Variants in ASXL3 observed in about 807,000 individuals in gnomAD.
ASXL3 encodes the protein ASXL transcriptional regulator 3.
In ASXL3, 34 loss-of-function variants were observed where a neutral mutation model predicts 170.6. The observed-to-expected ratio is 0.20, with a 90% CI of 0.15 to 0.27. The LOEUF is 0.27. Ranked by LOEUF, ASXL3 falls within the 10% of genes least tolerant of loss-of-function variation. ASXL3 has a pLI of 1.00. For synonymous variants in ASXL3, 1,002 were observed against 989.1 expected (o/e 1.01, Z -0.24); for missense variants, 2,592 against 2,695.3 (o/e 0.96, Z 0.85).
intron 1 of ASXL3, among the ~76,000 whole-genome samples, chr18:33,603,448 G>T (rs1041166282): frequency 1.3e-5 from 2 of 152,000 alleles, no homozygotes; most frequent in African/African-American, 4.8e-5. Context: ...ACTAGGACGT[G>T]TAGTAGTCTA....
At chr18:33,706,984 A>G (rs538914971) in intron 8 of ASXL3, among the ~76,000 whole-genome samples, 1 of 151,982 alleles carries the variant, frequency 6.6e-6, no homozygotes, top group Admixed American at 6.6e-5. Flanking sequence ...TTGACCAAAC[A>G]TATCTTATTT....
At position 33,743,025 on chromosome 18, in the gene ASXL3, CCGGGCCCAACAAGCT is replaced by C. The variant is rs1184301336; in HGVS notation, c.3186_3200del (p.Gln1063_Gln1067del). 1.2e-6 allele frequency: 2 copies of C among 1,613,758 alleles called. No individual in the cohort carries two copies. Among genetic ancestry groups the C allele is most frequent in the Non-Finnish European group, 1.7e-6 (2 of 1,179,860 alleles). ...CCAGGACCCTCGCAGATATCAAGGC[CCGGGCCCAACAAGCT>C]CGGGCCCAGCGAGAGGCTGCTGCAG... On this transcript the variant is annotated inframe_deletion, in exon 12 of 12. Coordinates refer to ENST00000269197, the MANE Select transcript of ASXL3 (RefSeq NM_030632.3).
At chr18:33,655,786 CA>C (rs1017711582) in intron 4 of ASXL3, among the ~76,000 whole-genome samples, 3 of 151,990 alleles carry the variant, frequency 2.0e-5, no homozygotes, top group African/African-American at 7.2e-5. Context: ...ATACATAAAA[CA>C]AATTATAACC....
chr18:33,700,577 A>T (rs1276557408), intron 8 of ASXL3, among the ~76,000 whole-genome samples: 1 of 152,114 alleles, frequency 6.6e-6, no homozygotes, highest in Admixed American at 6.6e-5. Flanking sequence ...CAACTGAAAG[A>T]GAATGAAGTT....
intron 8 of ASXL3, 107 bp from the exon 9 acceptor site, chr18:33,731,861 C>T: frequency 1.4e-6 from 1 of 722,162 alleles, no homozygotes; most frequent in Non-Finnish European, 2.3e-6. Flanking sequence ...CTTCCTCCTC[C>T]TCACACATAC....
At chr18:33,731,835 C>T in intron 8 of ASXL3, 133 bp from the exon 9 acceptor site, 1 of 619,418 alleles carries the variant, frequency 1.6e-6, no homozygotes, top group Admixed American at 3.2e-5. Context: ...CTTCTCCTTT[C>T]TCTGTCTCCT....
intron 8 of ASXL3, among the ~76,000 whole-genome samples, chr18:33,714,564 A>C (rs936257446): frequency 6.6e-6 from 1 of 152,202 alleles, no homozygotes; most frequent in African/African-American, 2.4e-5. Flanking sequence ...TTCTAACTCT[A>C]AAACAGGCCA....
intron 8 of ASXL3, among the ~76,000 whole-genome samples, chr18:33,716,373 T>C (rs1291130995): frequency 6.6e-6 from 1 of 152,184 alleles, no homozygotes; most frequent in East Asian, 1.9e-4. Flanking sequence ...TTTGTATAAA[T>C]AGTGTTTCCC....
At position 33,742,875 on chromosome 18, in the gene ASXL3, GTCC is replaced by G. The variant is rs781586610; in HGVS notation, c.3040-8_3040-6del. ...TGAAGCACATTATATTTTTTTTTCT[GTCC>G]TCCTTTTAGATTCAGCTTTCCAAAA... On this transcript the variant is annotated splice_polypyrimidine_tract_variant and intron_variant, in intron 11 of 11. Transcript: ENST00000269197. The G allele has an allele frequency of 5.7e-6, 9 of 1,567,170 alleles. No individual in the cohort carries two copies. Among genetic ancestry groups the G allele is most frequent in the South Asian group, 2.4e-5 (2 of 83,974 alleles).
chr18:33,725,524 T>A (rs2145381703), intron 8 of ASXL3, among the ~76,000 whole-genome samples: 1 of 152,284 alleles, frequency 6.6e-6, no homozygotes, highest in East Asian at 1.9e-4. Flanking sequence ...TTAAGCCACC[T>A]TCTCTTTTGG....
At chr18:33,635,074 A>C (rs1024141861) in intron 2 of ASXL3, among the ~76,000 whole-genome samples, 2 of 152,184 alleles carry the variant, frequency 1.3e-5, no homozygotes, top group African/African-American at 4.8e-5. Flanking sequence ...GTGGGCATTG[A>C]GGAAGAGAGA....
In ASXL3 at chr18:33,750,085, C is replaced by T. The variant is rs1328227476; in HGVS notation, c.*3490C>T. On this transcript the variant is annotated 3_prime_UTR_variant, in exon 12 of 12. Coordinates refer to ENST00000269197, the MANE Select transcript of ASXL3 (RefSeq NM_030632.3). ...TAGCATCGTCTGTACGGTGGTGAGG[C>T]CCAGCACAGCGGTAGCTGCCTAGTG... 1 of 152,234 alleles carries T rather than the reference C, an allele frequency of 6.6e-6. No homozygotes were observed. The highest frequency in any genetic ancestry group is 2.4e-5 in the African/African-American group (1 of 41,444). 9.4% of individuals were successfully genotyped at this position (152,234 alleles called of 1,614,324 possible).
intron 7 of ASXL3, among the ~76,000 whole-genome samples, chr18:33,678,774 A>G (rs2066470654): frequency 6.6e-6 from 1 of 152,174 alleles, no homozygotes; most frequent in African/African-American, 2.4e-5. Flanking sequence ...ATCATATATA[A>G]TTGGATTGTT....
chr18:33,622,037 G>C (rs2065523060), intron 2 of ASXL3, among the ~76,000 whole-genome samples: 1 of 152,188 alleles, frequency 6.6e-6, no homozygotes, highest in African/African-American at 2.4e-5. Flanking sequence ...GTAAATGAAA[G>C]CATTGTGAAG....
At chr18:33,643,933 C>T (rs977645395) in intron 2 of ASXL3, among the ~76,000 whole-genome samples, 7 of 151,568 alleles carry the variant, frequency 4.6e-5, no homozygotes, top group African/African-American at 1.2e-4. Context: ...ATTGATATTT[C>T]GGCATATTAG....
intron 8 of ASXL3, among the ~76,000 whole-genome samples, chr18:33,726,562 A>G (rs1430853571): frequency 6.6e-6 from 1 of 152,176 alleles, no homozygotes; most frequent in East Asian, 1.9e-4. Flanking sequence ...TATATTGAAT[A>G]TATGTTGAAA....
chr18:33,649,065 G>C (rs1186523716), intron 4 of ASXL3, among the ~76,000 whole-genome samples: 1 of 152,028 alleles, frequency 6.6e-6, no homozygotes, highest in African/African-American at 2.4e-5. Flanking sequence ...TGAGGTCAGG[G>C]GAAGGAGTGG....
chr18:33,619,280 A>G (rs1245375514), intron 2 of ASXL3, among the ~76,000 whole-genome samples: 1 of 152,112 alleles, frequency 6.6e-6, no homozygotes, highest in East Asian at 1.9e-4. Context: ...AGTATTGGTT[A>G]TAAGATTCTA....
chr18:33,663,153 A>T (rs1042888510), intron 5 of ASXL3, among the ~76,000 whole-genome samples: 16 of 152,318 alleles, frequency 1.1e-4, no homozygotes, highest in African/African-American at 3.6e-4. Context: ...GATGAAATAA[A>T]AAACAGCTGT....
Sources: allele counts gnomAD v4.1 joint callset (sites outside exome capture counted in the v4.1 genomes callset), GRCh38; gene constraint gnomAD v4.1.1; transcripts MANE v1.5; gene names NCBI Gene and HGNC (gene_info 2026-07-23, HGNC 2026-07-21).